Variants in NUP160 observed in about 807,000 individuals in gnomAD.
NUP160 encodes nuclear pore complex protein Nup160.
A neutral mutation model predicts 196.9 loss-of-function variants in NUP160; 94 were observed. The observed-to-expected ratio is 0.48, with a 90% CI of 0.40 to 0.57. NUP160 has a LOEUF of 0.57. Among genes scored for constraint, NUP160 ranks in the 20% least tolerant of loss-of-function variants. NUP160 has a pLI of 0.00. For synonymous variants in NUP160, 605 were observed against 619.7 expected, an observed-to-expected ratio of 0.98 and a Z score of 0.35; for missense variants, 1,638 against 1,748.3, an observed-to-expected ratio of 0.94 and a Z score of 1.13.
At chr11:47,801,057 T>C (rs141168222) in intron 23 of NUP160, among the ~76,000 whole-genome samples, 370 of 152,040 alleles carry the variant, frequency 2.4e-3, no homozygotes, top group Middle Eastern at 0.014. Flanking sequence ...AGTAAGAAGG[T>C]CACCATTGTT....
intron 33 of NUP160, among the ~76,000 whole-genome samples, 180 bp from the exon 34 acceptor site, chr11:47,783,378 A>G (rs2097662613): frequency 6.6e-6 from 1 of 150,906 alleles, no homozygotes; most frequent in South Asian, 2.1e-4. Flanking sequence ...GGAGTTAGGA[A>G]AAAAAAAAAG....
rs144529387 is a variant in NUP160, at chr11:47,820,724, G to A, written c.1277+1000C>T. On this transcript the variant is annotated intron_variant, in intron 9 of 35. Coordinates refer to ENST00000378460, the Ensembl canonical transcript of NUP160. Reference sequence around the variant, plus strand: ...ATACCACCACGCCCGGCTAATTTTTGTATTTTTAGTAGAGATGGGGTTTCA... The same window carrying A: ...ATACCACCACGCCCGGCTAATTTTTATATTTTTAGTAGAGATGGGGTTTCA... Among the ~76,000 whole-genome samples the A allele has an allele frequency of 7.2e-3, 1,096 of 152,076 alleles. 18 individuals carry two copies. The highest frequency in any genetic ancestry group is 0.024 in the African/African-American group (1,015 of 41,482).
chr11:47,791,813 A>G lies in NUP160; in HGVS notation c.3511+117T>C, dbSNP rs917653828. 4 of 715,338 alleles carry G rather than the reference A, an allele frequency of 5.6e-6. No individual in the cohort carries two copies. In the African/African-American group the frequency reaches 7.4e-5, roughly 13 times the overall value. 44.3% of individuals were successfully genotyped at this position (715,338 alleles called of 1,614,324 possible). ...CAAGGGCAACTGTTACTACTATAAC[A>G]TTTATATATTACTATTATATGTAGC... On this transcript the variant is annotated intron_variant, in intron 29 of 35. Coordinates refer to ENST00000378460, the Ensembl canonical transcript of NUP160.
intron 27 of NUP160, among the ~76,000 whole-genome samples, chr11:47,796,842 G>A (rs934307953): frequency 1.3e-5 from 2 of 152,106 alleles, no homozygotes; most frequent in Admixed American, 6.6e-5. Context: ...ACAGGCATCC[G>A]CCACCATGCC....
intron 2 of NUP160, among the ~76,000 whole-genome samples, 186 bp downstream of exon 2, chr11:47,847,662 G>T: frequency 1.4e-5 from 2 of 143,036 alleles, no homozygotes; most frequent in African/African-American, 2.6e-5. Context: ...GGGGGGGAGG[G>T]GGAGAGGTAT....
At chr11:47,794,418 T>G (rs1826690561) in intron 27 of NUP160, among the ~76,000 whole-genome samples, 1 of 151,992 alleles carries the variant, frequency 6.6e-6, no homozygotes. Flanking sequence ...GAGTTTGCAG[T>G]GAGCCGAGAT....
At chr11:47,848,310 C>T in exon 1 of NUP160, 1 of 1,614,046 alleles carries the variant, frequency 6.2e-7, no homozygotes, top group Non-Finnish European at 8.5e-7. Flanking sequence ...GGGCTCCCGC[C>T]GCCGCCATCT....
At chr11:47,801,372 A>G (rs2097674073) in intron 23 of NUP160, among the ~76,000 whole-genome samples, 1 of 151,376 alleles carries the variant, frequency 6.6e-6, no homozygotes, top group Non-Finnish European at 1.5e-5. Flanking sequence ...TTTTTTGGAG[A>G]CGGAGTCTCG....
intron 20 of NUP160, among the ~76,000 whole-genome samples, chr11:47,805,944 G>C (rs1325521666): frequency 6.6e-6 from 1 of 151,916 alleles, no homozygotes; most frequent in East Asian, 1.9e-4. Context: ...CTTCCGAGTA[G>C]CTGGGATTAC....
In NUP160 at chr11:47,788,517, T is replaced by C. The variant is rs549073786; in HGVS notation, c.3606A>G (p.Ser1202=). The C allele has an allele frequency of 1.7e-5, 27 of 1,613,528 alleles. No homozygotes were observed. The South Asian group carries it at 3.0e-4, about 18-fold the overall frequency. ...AATTCCTACCAGCAACTGCAACCGC[T>C]GATGGATCATGCTGAGCCAAAGTGA... Residue 1202 remains serine, a synonymous_variant, in exon 30 of 36, where the codon TCA becomes TCG. Coordinates refer to ENST00000378460, the Ensembl canonical transcript of NUP160.
chr11:47,823,269 C>T (rs1851900020), intron 7 of NUP160, among the ~76,000 whole-genome samples: 1 of 152,166 alleles, frequency 6.6e-6, no homozygotes, highest in Non-Finnish European at 1.5e-5. Context: ...AGTATATTCA[C>T]ACTGTTGTAC....
In NUP160 at chr11:47,791,995, T is replaced by A. The variant is rs1286541869; in HGVS notation, c.3451-5A>T. The A allele has an allele frequency of 6.2e-7, 1 of 1,601,098 alleles. No homozygotes were observed. The highest frequency in any genetic ancestry group is 1.1e-5 in the South Asian group (1 of 89,680). ...GGATGCTCCAGGGCGATCATACTGA[T>A]AAAACAAAACAAGCAATTTAACTGT... On this transcript the variant is annotated splice_polypyrimidine_tract_variant and splice_region_variant and intron_variant, in intron 28 of 35. Transcript: ENST00000378460.
intron 29 of NUP160, among the ~76,000 whole-genome samples, chr11:47,789,305 G>T (rs1344339411): frequency 1.3e-5 from 2 of 152,074 alleles, no homozygotes; most frequent in Non-Finnish European, 2.9e-5. Context: ...ACTGCACCTG[G>T]CCTCATTTAA....
chr11:47,815,644 T>G, exon 13 of NUP160: 1 of 1,580,578 alleles, frequency 6.3e-7, no homozygotes, highest in Non-Finnish European at 8.5e-7. Context: ...TTACACTTCC[T>G]TGAAGCTGGC....
Position 47,782,949 on chromosome 11 carries a change from G to A in NUP160, c.4116+124C>T, listed in dbSNP as rs2097662342. On this transcript the variant is annotated intron_variant, in intron 34 of 35. Coordinates refer to ENST00000378460, the Ensembl canonical transcript of NUP160. ...GCTGGGATTATAGGCATGAGTCACT[G>A]TGCCCGGCCATCAGTATTTTAAAGT... is the stretch of plus-strand genomic sequence containing the variant. 4 of 840,090 alleles carry A rather than the reference G, an allele frequency of 4.8e-6. No homozygotes were observed. The East Asian group carries it at 1.1e-4, about 22-fold the overall frequency. 52.0% of individuals were successfully genotyped at this position (840,090 alleles called of 1,614,324 possible). A position where few individuals can be genotyped will look rare whatever the true frequency, so the allele number is the denominator to read the frequency against.
At chr11:47,814,105 G>A (rs1350332448) in intron 13 of NUP160, among the ~76,000 whole-genome samples, 10 of 140,556 alleles carry the variant, frequency 7.1e-5, no homozygotes, top group Admixed American at 5.2e-4. Context: ...GAGTGCCACT[G>A]TACTGCAGCC....
exon 15 of NUP160, chr11:47,812,946 A>G (rs2097682017): frequency 6.2e-7 from 1 of 1,613,590 alleles, no homozygotes; most frequent in African/African-American, 1.3e-5. Context: ...TGTAGGTTAT[A>G]ACAACTCATT....
At chr11:47,844,239 T>C (rs766005455) in intron 2 of NUP160, among the ~76,000 whole-genome samples, 9 of 152,194 alleles carry the variant, frequency 5.9e-5, no homozygotes, top group Non-Finnish European at 1.0e-4. Context: ...CTGGTCTCCC[T>C]GCACCTACCC....
At chr11:47,826,253 A>G (rs1203859586) in intron 7 of NUP160, among the ~76,000 whole-genome samples, 1 of 152,208 alleles carries the variant, frequency 6.6e-6, no homozygotes, top group African/African-American at 2.4e-5. Context: ...AACTATACAT[A>G]TGCACCATCA....
Sources: allele counts gnomAD v4.1 joint callset (sites outside exome capture counted in the v4.1 genomes callset), GRCh38; gene constraint gnomAD v4.1.1; transcripts MANE v1.5; gene names NCBI Gene and HGNC (gene_info 2026-07-23, HGNC 2026-07-21).